SLC39A11: variants seen among roughly 807,000 people sequenced by gnomAD.
SLC39A11 encodes the protein zinc transporter ZIP11.
Under a neutral mutation model 36.1 loss-of-function variants are expected in SLC39A11, and 33 were observed. The observed-to-expected ratio is 0.91, with a 90% CI of 0.69 to 1.22. SLC39A11 has a LOEUF of 1.22. Ranked by LOEUF, SLC39A11 falls within the 50% of genes most tolerant of loss-of-function variation. The pLI, the probability that SLC39A11 is intolerant of heterozygous loss-of-function variation, is 0.00. For synonymous variants in SLC39A11, 166 were observed against 170.3 expected (o/e 0.97, Z 0.20); for missense variants, 432 against 430.3 (o/e 1.00, Z -0.03).
intron 5 of SLC39A11, among the ~76,000 whole-genome samples, chr17:72,941,256 C>G (rs927939002): frequency 3.3e-5 from 5 of 152,130 alleles, no homozygotes; most frequent in African/African-American, 4.8e-5. Context: ...CTGGGTGACA[C>G]AGTGAGACTC....
intron 5 of SLC39A11, among the ~76,000 whole-genome samples, chr17:72,925,745 C>T (rs1353952046): frequency 1.3e-5 from 2 of 152,200 alleles, no homozygotes; most frequent in East Asian, 3.8e-4. Flanking sequence ...CAGAATTCTT[C>T]AAGGACGTCA....
chr17:72,855,918 G>A (rs1176202924), intron 5 of SLC39A11, among the ~76,000 whole-genome samples: 1 of 151,496 alleles, frequency 6.6e-6, no homozygotes, highest in Non-Finnish European at 1.5e-5. Context: ...AAGCAGAATA[G>A]AAGGGGATCA....
rs561285019 is a variant in SLC39A11 at position 72,994,530 on chromosome 17, G to A, written c.306+37026C>T. Among the ~76,000 whole-genome samples the A allele has an allele frequency of 5.2e-4, 79 of 152,164 alleles. No homozygotes were observed. The Middle Eastern group carries it at 0.01, about 20-fold the overall frequency. On this transcript the variant is annotated intron_variant, in intron 4 of 9. Transcript: ENST00000255559. Reference sequence around the variant, plus strand: ...GACTTTTGTTTCTTGGCATGGTGGCGGTTACAAAGATATTTGCTTTAGAAT... The same window carrying A: ...GACTTTTGTTTCTTGGCATGGTGGCAGTTACAAAGATATTTGCTTTAGAAT...
chr17:72,655,932 G>A (rs900425370), intron 7 of SLC39A11, among the ~76,000 whole-genome samples: 9 of 152,120 alleles, frequency 5.9e-5, no homozygotes, highest in African/African-American at 2.2e-4. Context: ...GAAGAACAAG[G>A]GCAGCCTCCC....
At chr17:73,009,190 T>C (rs564986602) in intron 4 of SLC39A11, among the ~76,000 whole-genome samples, 49 of 151,612 alleles carry the variant, frequency 3.2e-4, no homozygotes, top group East Asian at 1.2e-3. Flanking sequence ...GGTGAAACCC[T>C]GTCTCTACTA....
At chr17:72,747,255 T>A (rs1598552633) in intron 6 of SLC39A11, among the ~76,000 whole-genome samples, 2 of 152,178 alleles carry the variant, frequency 1.3e-5, no homozygotes, top group Admixed American at 1.3e-4. Flanking sequence ...CAATCTCAGT[T>A]CACTGCAACT....
chr17:72,912,454 G>A (rs79428663), intron 5 of SLC39A11, among the ~76,000 whole-genome samples: 2,896 of 148,782 alleles, frequency 0.019, 71 homozygotes, highest in East Asian at 0.081. Context: ...TTTTTTAAGT[G>A]ATGGGGGTCT....
chr17:72,702,197 G>A (rs1430122264), intron 7 of SLC39A11, among the ~76,000 whole-genome samples: 4 of 152,172 alleles, frequency 2.6e-5, no homozygotes, highest in African/African-American at 7.2e-5. Flanking sequence ...TCATAAACTC[G>A]CAAGCTAACC....
chr17:72,837,439 CTT>C (rs763732770), intron 6 of SLC39A11, among the ~76,000 whole-genome samples: 21 of 150,140 alleles, frequency 1.4e-4, no homozygotes, highest in Non-Finnish European at 1.5e-4. Context: ...GAGATTATCC[CTT>C]TGTGTCAAAG....
At chr17:72,944,954 G>C (rs914823611) in intron 5 of SLC39A11, among the ~76,000 whole-genome samples, 1 of 152,264 alleles carries the variant, frequency 6.6e-6, no homozygotes, top group Non-Finnish European at 1.5e-5. Flanking sequence ...TCTGAGATGG[G>C]GGGACTAGAC....
chr17:73,001,256 CAGTT>C (rs59161968), intron 4 of SLC39A11, among the ~76,000 whole-genome samples: 5 of 150,850 alleles, frequency 3.3e-5, no homozygotes, highest in African/African-American at 7.3e-5. Context: ...AATTTTATTC[CAGTT>C]AGTTAGCCAT....
rs2073956659 is a variant in SLC39A11 at position 72,726,964 on chromosome 17, T to G, written c.671+9686A>C. ...CCGGTCATATCTTGGGGATGTGTTT[T>G]GTGGACTATCCATGGCACACTAAAG... is the stretch of plus-strand genomic sequence containing the variant. On this transcript the variant is annotated intron_variant, in intron 7 of 9. Transcript: ENST00000255559. Among the ~76,000 whole-genome samples the G allele has an allele frequency of 2.0e-5, 3 of 152,226 alleles. No individual in the cohort carries two copies. The South Asian group carries it at 6.2e-4, about 32-fold the overall frequency.
chr17:72,875,465 G>A lies in SLC39A11; in HGVS notation c.431-25661C>T, dbSNP rs542710046. Reference sequence around the variant, plus strand: ...CAGCGGGATTCTGGAACCCCCTGAGGTTGTCCAGCTAATTTGCAAAGTGAG... The same window carrying A: ...CAGCGGGATTCTGGAACCCCCTGAGATTGTCCAGCTAATTTGCAAAGTGAG... On this transcript the variant is annotated intron_variant, in intron 5 of 9. Transcript: ENST00000255559. 1.1e-3 allele frequency among the ~76,000 whole-genome samples: 170 copies of A among 152,250 alleles called. 1 individual carries two copies. The highest frequency in any genetic ancestry group is 8.8e-4 in the Non-Finnish European group (60 of 68,028).
intron 5 of SLC39A11, among the ~76,000 whole-genome samples, chr17:72,855,548 C>A (rs1385941430): frequency 6.6e-6 from 1 of 151,790 alleles, no homozygotes; most frequent in Non-Finnish European, 1.5e-5. Flanking sequence ...GAGTGGCCAG[C>A]AACATATATT....
At chr17:72,979,075 C>T (rs780638276) in intron 4 of SLC39A11, among the ~76,000 whole-genome samples, 2 of 152,156 alleles carry the variant, frequency 1.3e-5, no homozygotes, top group Non-Finnish European at 2.9e-5. Context: ...AGAGACCACG[C>T]GGAGGCAACT....
intron 6 of SLC39A11, chr17:72,823,667 A>T (rs779481199): frequency 6.6e-6 from 1 of 151,356 alleles, no homozygotes; most frequent in Non-Finnish European, 1.5e-5. Context: ...CCCGTTAAAC[A>T]TTGCTCAATA....
intron 6 of SLC39A11, among the ~76,000 whole-genome samples, chr17:72,787,358 C>T (rs910015772): frequency 2.5e-4 from 37 of 145,330 alleles, no homozygotes; most frequent in African/African-American, 9.3e-4. Flanking sequence ...CCCGGGTTCA[C>T]GCCATTCTCC....
chr17:73,000,376 C>T (rs372489703), intron 4 of SLC39A11, among the ~76,000 whole-genome samples: 37 of 149,306 alleles, frequency 2.5e-4, no homozygotes, highest in Non-Finnish European at 5.1e-4. Flanking sequence ...CCTCCTCCTC[C>T]TCTCTCTCTC....
intron 5 of SLC39A11, among the ~76,000 whole-genome samples, chr17:72,884,612 C>T (rs2081362640): frequency 1.3e-5 from 2 of 152,150 alleles, no homozygotes; most frequent in South Asian, 4.1e-4. Context: ...ATCTTAAGGA[C>T]CAGACTATAT....
Sources: allele counts gnomAD v4.1 joint callset (sites outside exome capture counted in the v4.1 genomes callset), GRCh38; gene constraint gnomAD v4.1.1; transcripts MANE v1.5; gene names NCBI Gene and HGNC (gene_info 2026-07-23, HGNC 2026-07-21).